MAD1L1: variants seen among roughly 807,000 people sequenced by gnomAD.
The protein encoded by MAD1L1 is mitotic arrest deficient 1 like 1.
A neutral mutation model predicts 96.9 loss-of-function variants in MAD1L1; 95 were observed. That is an observed-to-expected ratio of 0.98 (90% confidence interval 0.83 to 1.16). MAD1L1 has a LOEUF of 1.16. Ranked by LOEUF, MAD1L1 falls within the 50% of genes most tolerant of loss-of-function variation. The pLI, the probability that MAD1L1 is intolerant of heterozygous loss-of-function variation, is 0.00. For synonymous variants in MAD1L1, 473 were observed against 396.6 expected (o/e 1.19, Z -2.29); for missense variants, 1,007 against 954.4 (o/e 1.06, Z -0.73).
chr7:2,081,435 G>C (rs150632518), intron 11 of MAD1L1, among the ~76,000 whole-genome samples: 1 of 152,228 alleles, frequency 6.6e-6, no homozygotes, highest in African/African-American at 2.4e-5. Flanking sequence ...GCCATCGTGC[G>C]ACCCGGGAAA....
intron 16 of MAD1L1, among the ~76,000 whole-genome samples, chr7:1,940,957 TC>T (rs1173676260): frequency 6.6e-5 from 10 of 151,188 alleles, no homozygotes; most frequent in African/African-American, 9.7e-5. Flanking sequence ...CTCCTCTTCC[TC>T]CCCCCGCAGG....
intron 16 of MAD1L1, among the ~76,000 whole-genome samples, chr7:1,939,801 G>A (rs1283643178): frequency 1.3e-5 from 2 of 152,112 alleles, no homozygotes; most frequent in Non-Finnish European, 2.9e-5. Flanking sequence ...GGCTGCTGTG[G>A]GCCACTGCTC....
intron 15 of MAD1L1, among the ~76,000 whole-genome samples, chr7:1,973,606 C>T (rs1216532826): frequency 6.6e-6 from 1 of 152,184 alleles, no homozygotes; most frequent in African/African-American, 2.4e-5. Context: ...GGACCACAGA[C>T]AGGGGGGTGC....
At chr7:2,051,999 G>A (rs931288930) in intron 12 of MAD1L1, among the ~76,000 whole-genome samples, 4 of 152,060 alleles carry the variant, frequency 2.6e-5, no homozygotes, top group Admixed American at 6.6e-5. Context: ...TGTTTACAGG[G>A]GCGTCAGGCA....
At chr7:1,843,241 GTCTTTC>G (rs1263351994) in intron 18 of MAD1L1, among the ~76,000 whole-genome samples, 1 of 152,190 alleles carries the variant, frequency 6.6e-6, no homozygotes, top group Non-Finnish European at 1.5e-5. Context: ...TCTTTCTGGC[GTCTTTC>G]TCTGTCTTCC....
intron 11 of MAD1L1, among the ~76,000 whole-genome samples, chr7:2,095,850 G>C (rs187439823): frequency 5.7e-4 from 87 of 152,346 alleles, no homozygotes; most frequent in African/African-American, 2.0e-3. Flanking sequence ...GTGCATCCAC[G>C]CACACTTGCC....
chr7:1,981,610 T>C (rs1171345906), intron 14 of MAD1L1, among the ~76,000 whole-genome samples: 1 of 151,970 alleles, frequency 6.6e-6, no homozygotes, highest in East Asian at 1.9e-4. Context: ...GCTCACTCCG[T>C]CACGAAGGGA....
chr7:2,033,336 A>T (rs1783318242), intron 12 of MAD1L1, among the ~76,000 whole-genome samples: 1 of 152,182 alleles, frequency 6.6e-6, no homozygotes, highest in Non-Finnish European at 1.5e-5. Flanking sequence ...ACTGCACTAG[A>T]ACTAAAGGAA....
At chr7:1,974,010 T>C (rs1780520841) in intron 15 of MAD1L1, among the ~76,000 whole-genome samples, 1 of 152,214 alleles carries the variant, frequency 6.6e-6, no homozygotes, top group Non-Finnish European at 1.5e-5. Flanking sequence ...TGCTGGCTTC[T>C]GCTTCTGGGA....
At chr7:1,896,609 G>A (rs1324996145) in intron 18 of MAD1L1, among the ~76,000 whole-genome samples, 1 of 152,240 alleles carries the variant, frequency 6.6e-6, no homozygotes, top group East Asian at 1.9e-4. Flanking sequence ...ACACCGAAAG[G>A]AAACACGGCG....
chr7:2,128,816 C>T (rs1788364349), intron 11 of MAD1L1, among the ~76,000 whole-genome samples: 1 of 152,194 alleles, frequency 6.6e-6, no homozygotes, highest in African/African-American at 2.4e-5. Context: ...CGTCAGGCCA[C>T]ACCACGCCTC....
At chr7:2,030,869 C>A (rs1233576549) in intron 12 of MAD1L1, among the ~76,000 whole-genome samples, 1 of 152,226 alleles carries the variant, frequency 6.6e-6, no homozygotes, top group Non-Finnish European at 1.5e-5. Flanking sequence ...TTGCTCAGAG[C>A]TTGATGATAC....
chr7:1,827,696 TCCC>T (rs1782493230), intron 18 of MAD1L1, among the ~76,000 whole-genome samples: 8 of 56,748 alleles, frequency 1.4e-4, no homozygotes, highest in Non-Finnish European at 2.9e-4. Flanking sequence ...CCTGAGCCCG[TCCC>T]GGGTGTGGGG....
chr7:2,120,143 C>A (rs1787903548), intron 11 of MAD1L1, among the ~76,000 whole-genome samples: 1 of 152,196 alleles, frequency 6.6e-6, no homozygotes, highest in South Asian at 2.1e-4. Context: ...AAGGCCACCT[C>A]CCCCTCTCTT....
At chr7:2,200,013 G>A (rs1792199112) in intron 10 of MAD1L1, among the ~76,000 whole-genome samples, 1 of 152,212 alleles carries the variant, frequency 6.6e-6, no homozygotes, top group Non-Finnish European at 1.5e-5. Context: ...CGAGGGCAAG[G>A]GAGGGGTAAC....
At chr7:1,949,589 C>T (rs1008508184) in intron 16 of MAD1L1, among the ~76,000 whole-genome samples, 1 of 152,222 alleles carries the variant, frequency 6.6e-6, no homozygotes, top group Non-Finnish European at 1.5e-5. Flanking sequence ...CTCTTCCTGG[C>T]CCCCAGGAGA....
At chr7:2,106,541 C>T (rs1787110992) in intron 11 of MAD1L1, among the ~76,000 whole-genome samples, 1 of 152,178 alleles carries the variant, frequency 6.6e-6, no homozygotes. Flanking sequence ...ACGTGAGCTC[C>T]ACTCTCCCAG....
In MAD1L1 at chr7:1,871,629, A is replaced by G. The variant is rs71523275; in HGVS notation, c.1998+26571T>C. Among the ~76,000 whole-genome samples the G allele has an allele frequency of 3.5e-3, 397 of 114,858 alleles. 6 individuals are homozygous for G. The East Asian group carries it at 0.046, about 13-fold the overall frequency. The allele number at this position is 114,858 out of a possible 152,430, so 75.4% of individuals were successfully genotyped here. On this transcript the variant is annotated intron_variant, in intron 18 of 18. Coordinates refer to ENST00000265854, the MANE Select transcript of MAD1L1 (RefSeq NM_001013836.2). ...GCCGAACCCACCATACGCCTGCCACACTGAACCCAACATACGCCTGCCATG... is the reference window on the plus strand; with the variant it reads ...GCCGAACCCACCATACGCCTGCCACGCTGAACCCAACATACGCCTGCCATG...
At chr7:2,055,980 AAAATAAAT>A (rs911175894) in intron 12 of MAD1L1, among the ~76,000 whole-genome samples, 2 of 152,194 alleles carry the variant, frequency 1.3e-5, no homozygotes, top group South Asian at 2.1e-4. Flanking sequence ...CTCCATCTCA[AAAATAAAT>A]AAATAAATAA....
Sources: gnomAD v4.1 joint callset for allele counts (sites outside exome capture counted in the v4.1 genomes callset) on GRCh38, gnomAD v4.1.1 for gene constraint, MANE v1.5 for transcripts, NCBI Gene and HGNC (gene_info 2026-07-23, HGNC 2026-07-21) for gene names.